RNF213: variants seen among roughly 807,000 people sequenced by gnomAD.
The protein encoded by RNF213 is ring finger protein 213.
RNF213 carries 341 observed loss-of-function variants against 514.4 expected under a neutral mutation model. The observed-to-expected ratio is 0.66, with a 90% CI of 0.61 to 0.73. The LOEUF is 0.73. Among genes scored for constraint, RNF213 ranks in the 30% least tolerant of loss-of-function variants. The pLI is 0.00. For missense variants in RNF213, 5,767 were observed against 6,615.6 expected (o/e 0.87, Z 4.45); for synonymous variants, 2,655 against 2,658.2 (o/e 1.00, Z 0.04).
chr17:80,377,685 A>G lies in RNF213; in HGVS notation c.13511-77A>G, dbSNP rs2079816163. Reference sequence around the variant, plus strand: ...TATTGTGGTCAGGGCCAGAGAGTAGAGAGTTAGCTTTCCCTTTTCAATGTG... The same window carrying G: ...TATTGTGGTCAGGGCCAGAGAGTAGGGAGTTAGCTTTCCCTTTTCAATGTG... On this transcript the variant is annotated intron_variant, in intron 53 of 67. Transcript: ENST00000582970. This position sits in a 1 kb window ranked among gnomAD's most constrained non-coding sequence, Gnocchi z 4.1. The G allele has an allele frequency of 2.0e-6, 3 of 1,513,930 alleles. No individual in the cohort carries two copies. The highest frequency in any genetic ancestry group is 3.3e-5 in the Admixed American group (2 of 59,914). 93.8% of individuals were successfully genotyped at this position (1,513,930 alleles called of 1,614,324 possible).
intron 2 of RNF213, among the ~76,000 whole-genome samples, chr17:80,272,561 C>T (rs1010798452): frequency 1.3e-4 from 20 of 152,338 alleles, no homozygotes; most frequent in African/African-American, 4.8e-4. Flanking sequence ...CAAACGGCAC[C>T]AAGCCATTCG....
chr17:80,278,369 C>T (rs995499484), intron 3 of RNF213, among the ~76,000 whole-genome samples: 1 of 152,202 alleles, frequency 6.6e-6, no homozygotes, highest in Non-Finnish European at 1.5e-5. Context: ...CTGCCTATAC[C>T]TTCTGGGTCG....
At chr17:80,378,732 T>G (rs1381214997) in intron 54 of RNF213, among the ~76,000 whole-genome samples, 3 of 152,204 alleles carry the variant, frequency 2.0e-5, no homozygotes, top group Admixed American at 6.5e-5. Flanking sequence ...GACGCTGAAA[T>G]AGAGTCTATC....
chr17:80,264,252 G>T lies in RNF213; in HGVS notation c.97+474G>T, dbSNP rs1005287835. Reference sequence around the variant, plus strand: ...TTCATAGAGAGTTTCAGAGAATGCTGCAGGGAAGCAGAGTTTGAGGCTCTG... The same window carrying T: ...TTCATAGAGAGTTTCAGAGAATGCTTCAGGGAAGCAGAGTTTGAGGCTCTG... On this transcript the variant is annotated intron_variant, in intron 2 of 67. Transcript: ENST00000582970. This position sits in a 1 kb window ranked among gnomAD's most constrained non-coding sequence, Gnocchi z 5.0. Among the ~76,000 whole-genome samples the T allele has an allele frequency of 1.3e-5, 2 of 152,184 alleles. No homozygotes were observed. Among genetic ancestry groups the T allele is most frequent in the African/African-American group, 4.8e-5 (2 of 41,450 alleles).
rs184978779 is a variant in RNF213 at position 80,334,058 on chromosome 17, G to A, written c.4144-47G>A. 40 of 1,535,992 alleles carry A rather than the reference G, an allele frequency of 2.6e-5. No homozygotes were observed. In the East Asian group the frequency reaches 6.6e-4, roughly 25 times the overall value. ...AGTGCTTGCAGCTCACAGATTCTGGGGTTCTGGTTAATGAGTTCCAGTCCA... is the reference window on the plus strand; with the variant it reads ...AGTGCTTGCAGCTCACAGATTCTGGAGTTCTGGTTAATGAGTTCCAGTCCA... On this transcript the variant is annotated intron_variant, in intron 21 of 67. Transcript: ENST00000582970.
At position 80,304,619 on chromosome 17, in the gene RNF213, A is replaced by G. The variant is rs557324906; in HGVS notation, c.2211-1633A>G. Among the ~76,000 whole-genome samples, 762 of 152,240 alleles carry G rather than the reference A, an allele frequency of 5.0e-3. 7 individuals carry two copies. Among genetic ancestry groups the G allele is most frequent in the African/African-American group, 0.014 (601 of 41,538 alleles). On this transcript the variant is annotated intron_variant, in intron 11 of 67. Transcript: ENST00000582970. ...CACACCACTGCACTCCAGCCAAGGC[A>G]ACAGAGTGAGACTCCAACACAAATA...
rs766162624 is a variant in RNF213, at chr17:80,379,631, G to T, written c.13557G>T (p.Pro4519=). The T allele has an allele frequency of 6.2e-7, 1 of 1,614,174 alleles. No homozygotes were observed. Reference sequence around the variant, plus strand: ...TGTCTTCACCCTAGTGTGGCAGGCCGATGGAACAGAGCATCTGCATTGACT... The same window carrying T: ...TGTCTTCACCCTAGTGTGGCAGGCCTATGGAACAGAGCATCTGCATTGACT... ...HPCSVGECGR[P]MEQSICIDCH... is the part of the protein sequence containing the mutation. The change falls in exon 55 of 68, where the codon CCG becomes CCT. Residue 4519 remains proline, a synonymous_variant. Transcript: ENST00000582970.
At chr17:80,361,454 A>C (rs1848315592) in intron 38 of RNF213, among the ~76,000 whole-genome samples, 2 of 152,198 alleles carry the variant, frequency 1.3e-5, no homozygotes, top group Non-Finnish European at 2.9e-5. Context: ...TGGGAGGCGG[A>C]GGTTGCAGTG....
rs1275532347 is a variant in RNF213 at position 80,383,041 on chromosome 17, A to G, written c.14041A>G (p.Ile4681Val). The part of the protein sequence containing the change: ...KEMRNNWEKE[I>V]AAVISPELEH... ...AATGAGGAACAACTGGGAAAAGGAA[A>G]TCGCAGCTGTGATTTCTCCTGAACT... Residue 4681 changes from isoleucine (I) to valine (V), a missense_variant, in exon 58 of 68, where the codon ATC becomes GTC. Ile to Val is a conservative substitution (Grantham distance 29, BLOSUM62 3). This residue lies in a region of RNF213 where 1,245 missense variants were observed against 1,339.0 expected (regional missense o/e 0.93). Transcript: ENST00000582970. The G allele has an allele frequency of 6.2e-7, 1 of 1,613,852 alleles. No homozygotes were observed. The highest frequency in any genetic ancestry group is 8.5e-7 in the Non-Finnish European group (1 of 1,179,858).
intron 11 of RNF213, among the ~76,000 whole-genome samples, chr17:80,305,649 T>C (rs1304857205): frequency 2.6e-5 from 4 of 151,730 alleles, no homozygotes; most frequent in African/African-American, 9.7e-5. Flanking sequence ...TCTCACTCTG[T>C]TGCCCAGGCT....
intron 42 of RNF213, among the ~76,000 whole-genome samples, chr17:80,366,825 A>G (rs1393831752): frequency 6.6e-6 from 1 of 152,250 alleles, no homozygotes; most frequent in African/African-American, 2.4e-5. Flanking sequence ...CCTTGAGCTC[A>G]CAATGCCCAA....
At chr17:80,370,194 T>A (rs948674255) in intron 46 of RNF213, among the ~76,000 whole-genome samples, 1 of 152,214 alleles carries the variant, frequency 6.6e-6, no homozygotes, top group African/African-American at 2.4e-5. Context: ...CGCAACTTTC[T>A]GATTTTTCAG....
rs2044122124 is a variant in RNF213, at chr17:80,277,774, T to C, written c.261+4370T>C. ...GAATTCTGAAGCTGAGAGCAGTGTATGCGTGAACGGTGCTCTAAGCGCAGA... is the reference window on the plus strand; with the variant it reads ...GAATTCTGAAGCTGAGAGCAGTGTACGCGTGAACGGTGCTCTAAGCGCAGA... On this transcript the variant is annotated intron_variant, in intron 3 of 67. Coordinates refer to ENST00000582970, the MANE Select transcript of RNF213 (RefSeq NM_001256071.3). 2.0e-5 allele frequency among the ~76,000 whole-genome samples: 3 copies of C among 152,290 alleles called. No individual in the cohort carries two copies. In the South Asian group the frequency reaches 6.2e-4, roughly 32 times the overall value.
chr17:80,355,610 GGGGTGAGTGGGAATGGGGGCTT>G (rs2078755638), intron 36 of RNF213, among the ~76,000 whole-genome samples: 3 of 63,866 alleles, frequency 4.7e-5, no homozygotes, highest in African/African-American at 1.3e-4. Context: ...GGGAAGAAGC[GGGGTGAGTGGGAATGGGGGCTT>G]ACAGGGGAAG....
chr17:80,325,640 C>A (rs1462940459), intron 18 of RNF213, among the ~76,000 whole-genome samples: 1 of 151,480 alleles, frequency 6.6e-6, no homozygotes, highest in Non-Finnish European at 1.5e-5. Context: ...CATTGATGAC[C>A]TCAACAGAAA....
chr17:80,285,261 CG>C (rs1187919282), intron 3 of RNF213, among the ~76,000 whole-genome samples: 5 of 152,232 alleles, frequency 3.3e-5, no homozygotes, highest in Admixed American at 3.3e-4. Flanking sequence ...CTGAGGCCCA[CG>C]GTGGCTCAGT....
At chr17:80,287,557 C>T (rs1039952329) in intron 3 of RNF213, among the ~76,000 whole-genome samples, 2 of 152,180 alleles carry the variant, frequency 1.3e-5, no homozygotes, top group Non-Finnish European at 2.9e-5. Flanking sequence ...GCAGTGAGCC[C>T]GTGTGAGGGT....
intron 8 of RNF213, among the ~76,000 whole-genome samples, chr17:80,292,852 T>C (rs2044783247): frequency 6.6e-6 from 1 of 152,088 alleles, no homozygotes; most frequent in South Asian, 2.1e-4. Flanking sequence ...GGTCAACTGG[T>C]TGTTGCTTTC....
intron 22 of RNF213, 163 bp downstream of exon 22, chr17:80,334,433 T>C: frequency 1.4e-6 from 1 of 706,072 alleles, no homozygotes; most frequent in Non-Finnish European, 2.3e-6. Flanking sequence ...GCACTGATCA[T>C]AGAGTTCACA....
Sources: gnomAD v4.1 joint callset for allele counts (sites outside exome capture counted in the v4.1 genomes callset) on GRCh38, gnomAD v4.1.1 for gene constraint, gnomAD v4.1.1 regional missense constraint, Gnocchi (gnomAD v3.1) non-coding constraint, MANE v1.5 for transcripts, NCBI Gene and HGNC (gene_info 2026-07-23, HGNC 2026-07-21) for gene names.